MGAT5: variants seen among roughly 807,000 people sequenced by gnomAD.
MGAT5 encodes alpha-1,6-mannosylglycoprotein 6-beta-N-acetylglucosaminyltransferase.
In MGAT5, 30 loss-of-function variants were observed where a neutral mutation model predicts 94.3. The ratio of observed to expected loss-of-function variants is 0.32; its 90% CI spans 0.24 to 0.43. The LOEUF (loss-of-function observed/expected upper bound fraction) is 0.43. MGAT5 is among the 20% of genes least tolerant of loss of function. MGAT5 has a pLI of 1.00. For missense variants in MGAT5, 691 were observed against 905.5 expected (o/e 0.76, Z 3.04); for synonymous variants, 310 against 322.9 (o/e 0.96, Z 0.43).
chr2:134,362,185 A>G (rs777975675), intron 9 of MGAT5, 90 bp from the exon 10 acceptor site: 6 of 1,455,300 alleles, frequency 4.1e-6, no homozygotes, highest in African/African-American at 1.4e-5. Context: ...ACATTTTGTT[A>G]TGGGTAAGAT....
At chr2:134,419,857 A>C (rs1684200109) in intron 12 of MGAT5, among the ~76,000 whole-genome samples, 2 of 152,210 alleles carry the variant, frequency 1.3e-5, no homozygotes, top group African/African-American at 4.8e-5. Context: ...GTAAATTACT[A>C]AATAGTGACA....
At chr2:134,419,490 T>G (rs867794497) in intron 12 of MGAT5, among the ~76,000 whole-genome samples, 1 of 67,978 alleles carries the variant, frequency 1.5e-5, no homozygotes, top group African/African-American at 5.3e-5. Flanking sequence ...GTGTGTGTGT[T>G]TCCATAAAGA....
intron 1 of MGAT5, among the ~76,000 whole-genome samples, chr2:134,142,152 G>A (rs1686687197): frequency 1.3e-5 from 2 of 152,186 alleles, no homozygotes; most frequent in South Asian, 2.1e-4. Context: ...GGTTACTGAC[G>A]CATTGCCCAG....
chr2:134,339,655 C>T (rs1466907116), intron 6 of MGAT5, among the ~76,000 whole-genome samples: 2 of 152,074 alleles, frequency 1.3e-5, no homozygotes, highest in African/African-American at 4.8e-5. Context: ...CAGAAACTAC[C>T]ATAGAAACTA....
intron 1 of MGAT5, among the ~76,000 whole-genome samples, chr2:134,228,690 G>A (rs1279160363): frequency 2.6e-5 from 4 of 152,158 alleles, no homozygotes; most frequent in Admixed American, 6.5e-5. Flanking sequence ...TCCAGAGTGT[G>A]TCCTCTCTGG....
chr2:134,246,254 C>T lies in MGAT5; in HGVS notation c.-142-8008C>T, dbSNP rs191611063. Among the ~76,000 whole-genome samples the T allele has an allele frequency of 1.4e-4, 21 of 151,620 alleles. No homozygotes were observed. In the East Asian group the frequency reaches 3.3e-3, roughly 24 times the overall value. On this transcript the variant is annotated intron_variant, in intron 1 of 16. Transcript: ENST00000409645. ...TTTCTTGGGCAGCACCCTGCCTGCT[C>T]CTGAGCTCCTTTGCTTCCTAGAGCT...
At chr2:134,149,848 CT>C (rs1297828899) in intron 1 of MGAT5, among the ~76,000 whole-genome samples, 1 of 152,212 alleles carries the variant, frequency 6.6e-6, no homozygotes, top group Non-Finnish European at 1.5e-5. Context: ...AGTAGAGTTA[CT>C]GGAGTGCAGT....
At chr2:134,128,034 A>G (rs965569518) in intron 1 of MGAT5, among the ~76,000 whole-genome samples, 2 of 152,034 alleles carry the variant, frequency 1.3e-5, no homozygotes, top group African/African-American at 4.8e-5. Context: ...GTGTGTCCAC[A>G]CACCACTAGG....
chr2:134,335,595 GATC>G (rs1447619806), intron 4 of MGAT5, among the ~76,000 whole-genome samples: 1 of 151,414 alleles, frequency 6.6e-6, no homozygotes, highest in Non-Finnish European at 1.5e-5. Context: ...GCTCTCACAA[GATC>G]ATCAAGGTTT....
chr2:134,127,745 T>A (rs2104891644), intron 1 of MGAT5, among the ~76,000 whole-genome samples: 1 of 152,154 alleles, frequency 6.6e-6, no homozygotes, highest in African/African-American at 2.4e-5. Context: ...GATTCTGATT[T>A]CTCATCTGAA....
chr2:134,319,672 C>T (rs1687204923), intron 4 of MGAT5: 4 of 325,754 alleles, frequency 1.2e-5, no homozygotes, highest in Admixed American at 7.9e-5. Flanking sequence ...TAGGCTTTAT[C>T]TTCAGGTCCT....
At chr2:134,339,637 G>A (rs1163457479) in intron 6 of MGAT5, among the ~76,000 whole-genome samples, 1 of 152,068 alleles carries the variant, frequency 6.6e-6, no homozygotes, top group African/African-American at 2.4e-5. Flanking sequence ...GGATTAGCAT[G>A]GAGGCAACAG....
intron 13 of MGAT5, among the ~76,000 whole-genome samples, chr2:134,426,191 C>A (rs1684577925): frequency 6.9e-6 from 1 of 145,984 alleles, no homozygotes; most frequent in Non-Finnish European, 1.5e-5. Context: ...ATAGACCTAC[C>A]TTCTGACTCA....
intron 2 of MGAT5, among the ~76,000 whole-genome samples, chr2:134,296,218 A>G (rs531784214): frequency 3.9e-5 from 6 of 152,208 alleles, no homozygotes; most frequent in Non-Finnish European, 7.4e-5. Flanking sequence ...AGAATTGGGG[A>G]TGGACACATG....
Position 134,141,413 on chromosome 2 carries a change from C to A in MGAT5, c.-143+21122C>A, listed in dbSNP as rs758078355. ...AGCTATTATATTCCTATTGCTTAGC[C>A]TAATGTAGGCTCTTGGGACATTTTT... On this transcript the variant is annotated intron_variant, in intron 1 of 16. Transcript: ENST00000409645. Among the ~76,000 whole-genome samples the A allele has an allele frequency of 7.4e-5, 11 of 149,240 alleles. No homozygotes were observed. The Admixed American group carries it at 7.6e-4, about 10-fold the overall frequency.
chr2:134,278,638 T>G (rs892856026), intron 2 of MGAT5, among the ~76,000 whole-genome samples: 1 of 152,178 alleles, frequency 6.6e-6, no homozygotes, highest in Non-Finnish European at 1.5e-5. Context: ...TAAACCTGAC[T>G]CAAGCTTTTC....
intron 9 of MGAT5, among the ~76,000 whole-genome samples, chr2:134,359,040 C>A (rs1679922079): frequency 6.6e-6 from 1 of 152,150 alleles, no homozygotes; most frequent in Non-Finnish European, 1.5e-5. Flanking sequence ...AATAGTGTTT[C>A]TCTTAATAAG....
intron 2 of MGAT5, among the ~76,000 whole-genome samples, chr2:134,278,716 T>C (rs1002785142): frequency 2.0e-5 from 3 of 152,240 alleles, no homozygotes; most frequent in Non-Finnish European, 4.4e-5. Context: ...TAAGCACTAC[T>C]GTGGCCAAAT....
chr2:134,376,566 T>A (rs1409081266), intron 10 of MGAT5, among the ~76,000 whole-genome samples: 3 of 152,172 alleles, frequency 2.0e-5, no homozygotes, highest in Non-Finnish European at 4.4e-5. Context: ...CCCTCACTAT[T>A]TGGACCAGAT....
Sources: allele counts gnomAD v4.1 joint callset (sites outside exome capture counted in the v4.1 genomes callset), GRCh38; gene constraint gnomAD v4.1.1; transcripts MANE v1.5; gene names NCBI Gene and HGNC (gene_info 2026-07-23, HGNC 2026-07-21).